Variants in CAP2 observed in about 807,000 individuals in gnomAD.
CAP2 encodes cyclase associated actin cytoskeleton regulatory protein 2, also known as adenylyl cyclase-associated protein 2.
A neutral mutation model predicts 57.7 loss-of-function variants in CAP2; 24 were observed. The observed-to-expected ratio is 0.42, with a 90% CI of 0.30 to 0.58. CAP2 has a LOEUF of 0.58. Among genes scored for constraint, CAP2 ranks in the 20% least tolerant of loss-of-function variants. The pLI, the probability that CAP2 is intolerant of heterozygous loss-of-function variation, is 0.22. For synonymous variants in CAP2, 194 were observed against 207.2 expected, an observed-to-expected ratio of 0.94 and a Z score of 0.55; for missense variants, 501 against 590.3, an observed-to-expected ratio of 0.85 and a Z score of 1.57.
intron 1 of CAP2, among the ~76,000 whole-genome samples, chr6:17,413,875 G>A (rs12209321): frequency 0.043 from 6,560 of 152,190 alleles, 211 homozygotes; most frequent in Non-Finnish European, 0.064. Context: ...CCAACATGGC[G>A]AAACCCTGTC....
At chr6:17,396,494 C>G (rs1208080973) in intron 1 of CAP2, among the ~76,000 whole-genome samples, 1 of 152,136 alleles carries the variant, frequency 6.6e-6, no homozygotes, top group East Asian at 1.9e-4. Flanking sequence ...CTGATACATG[C>G]TACAACATCG....
At chr6:17,398,519 G>A (rs546580623) in intron 1 of CAP2, among the ~76,000 whole-genome samples, 2 of 148,430 alleles carry the variant, frequency 1.3e-5, no homozygotes, top group East Asian at 2.0e-4. Context: ...TAAAATTTAC[G>A]ATTTTAAACT....
At chr6:17,511,651 G>A (rs998080777) in intron 6 of CAP2, among the ~76,000 whole-genome samples, 1 of 151,930 alleles carries the variant, frequency 6.6e-6, no homozygotes, top group Non-Finnish European at 1.5e-5. Flanking sequence ...ACGGAGTTTC[G>A]CCATGTTGGT....
At chr6:17,545,812 G>A (rs543020640) in intron 11 of CAP2, among the ~76,000 whole-genome samples, 11 of 152,104 alleles carry the variant, frequency 7.2e-5, no homozygotes, top group Admixed American at 1.3e-4. Flanking sequence ...TTGTCCTTGC[G>A]ATAGTTTGCT....
chr6:17,394,318 C>T (rs1581479183), intron 1 of CAP2, among the ~76,000 whole-genome samples: 1 of 151,904 alleles, frequency 6.6e-6, no homozygotes, highest in African/African-American at 2.4e-5. Context: ...ACTGGGGGAA[C>T]GGCTCGGAAA....
chr6:17,396,503 C>A (rs186844172), intron 1 of CAP2, among the ~76,000 whole-genome samples: 3 of 152,114 alleles, frequency 2.0e-5, no homozygotes, highest in Non-Finnish European at 4.4e-5. Context: ...GCTACAACAT[C>A]GATGAATCTT....
intron 7 of CAP2, among the ~76,000 whole-genome samples, chr6:17,532,366 C>T (rs887694330): frequency 5.3e-5 from 8 of 150,430 alleles, no homozygotes; most frequent in Non-Finnish European, 1.2e-4. Flanking sequence ...GTCTCGAACT[C>T]CTGACCTCAG....
At chr6:17,555,235 C>T (rs944615896) in intron 12 of CAP2, among the ~76,000 whole-genome samples, 1 of 151,740 alleles carries the variant, frequency 6.6e-6, no homozygotes, top group Non-Finnish European at 1.5e-5. Flanking sequence ...GCTCTTGTTG[C>T]CCAGGCTGGA....
At chr6:17,509,371 CAA>C (rs1259841361) in intron 6 of CAP2, among the ~76,000 whole-genome samples, 2 of 151,812 alleles carry the variant, frequency 1.3e-5, no homozygotes, top group African/African-American at 4.8e-5. Flanking sequence ...AACTATGTAA[CAA>C]TATTTTTTTA....
chr6:17,554,513 C>T (rs1206901019), intron 12 of CAP2, among the ~76,000 whole-genome samples: 3 of 152,380 alleles, frequency 2.0e-5, no homozygotes, highest in Admixed American at 2.0e-4. Context: ...TGGCATCAGC[C>T]TCACAAAGTG....
At chr6:17,446,462 G>A (rs557104941) in intron 3 of CAP2, among the ~76,000 whole-genome samples, 1 of 152,234 alleles carries the variant, frequency 6.6e-6, no homozygotes, top group Non-Finnish European at 1.5e-5. Flanking sequence ...TGGAATTCAC[G>A]AGTGGGACAA....
chr6:17,474,194 T>G lies in CAP2; in HGVS notation c.300+11121T>G, dbSNP rs1160414840. Among the ~76,000 whole-genome samples, 22 of 146,300 alleles carry G rather than the reference T, an allele frequency of 1.5e-4. 1 individual carries two copies. The highest frequency in any genetic ancestry group is 5.5e-4 in the African/African-American group (22 of 39,672). ...AGAGGAAAAAAACAGTCTTTTTTTT[T>G]TTTTTTTTTTTTTTTTGTTCTATTC... On this transcript the variant is annotated intron_variant, in intron 4 of 12. Transcript: ENST00000229922.
intron 3 of CAP2, among the ~76,000 whole-genome samples, chr6:17,439,051 C>T (rs1403583225): frequency 6.7e-6 from 1 of 150,210 alleles, no homozygotes; most frequent in Non-Finnish European, 1.5e-5. Flanking sequence ...CCGGAGGTTG[C>T]AATGAATCAA....
In CAP2 at chr6:17,506,946, T is replaced by C. The variant is rs572551637; in HGVS notation, c.301-223T>C. Among the ~76,000 whole-genome samples the C allele has an allele frequency of 1.3e-4, 20 of 152,322 alleles. 3 individuals carry two copies. The South Asian group carries it at 4.2e-3, about 32-fold the overall frequency. ...TCCACATCTCAAGCCACAGCATTAA[T>C]AATGTTAAAAATATCTGCAATTTTC... is the stretch of plus-strand genomic sequence containing the variant. On this transcript the variant is annotated intron_variant, in intron 4 of 12. Coordinates refer to ENST00000229922, the MANE Select transcript of CAP2 (RefSeq NM_006366.3).
At chr6:17,550,435 A>G (rs776039501) in intron 11 of CAP2, among the ~76,000 whole-genome samples, 9 of 114,160 alleles carry the variant, frequency 7.9e-5, no homozygotes, top group Non-Finnish European at 1.2e-4. Flanking sequence ...CTGGGGCTCA[A>G]TTCCAACTCA....
At chr6:17,480,985 G>C (rs1410684560) in intron 4 of CAP2, among the ~76,000 whole-genome samples, 2 of 123,474 alleles carry the variant, frequency 1.6e-5, no homozygotes, top group African/African-American at 3.1e-5. Flanking sequence ...TTTTAGTAGA[G>C]ACAGGGTTTC....
At chr6:17,504,038 T>C (rs1382182370) in intron 4 of CAP2, among the ~76,000 whole-genome samples, 5 of 152,240 alleles carry the variant, frequency 3.3e-5, no homozygotes, top group African/African-American at 1.2e-4. Context: ...CTGTATTTCT[T>C]TGTTTCCCCC....
At chr6:17,547,795 C>T (rs987830554) in intron 11 of CAP2, among the ~76,000 whole-genome samples, 13 of 149,398 alleles carry the variant, frequency 8.7e-5, no homozygotes, top group Admixed American at 2.7e-4. Flanking sequence ...GAGCTGAGAT[C>T]GCGCCACTGC....
chr6:17,535,084 G>T (rs1416427580), intron 7 of CAP2, among the ~76,000 whole-genome samples: 2 of 152,092 alleles, frequency 1.3e-5, no homozygotes, highest in Non-Finnish European at 2.9e-5. Context: ...TGGTTCCAGA[G>T]GTGCTGTAGG....
Sources: gnomAD v4.1 joint callset for allele counts (sites outside exome capture counted in the v4.1 genomes callset) on GRCh38, gnomAD v4.1.1 for gene constraint, MANE v1.5 for transcripts, NCBI Gene and HGNC (gene_info 2026-07-23, HGNC 2026-07-21) for gene names.